The following STAU2 variants were observed in gnomAD, a reference collection of about 807,000 sequenced individuals.
The protein encoded by STAU2 is double-stranded RNA-binding protein Staufen homolog 2.
STAU2 carries 20 observed loss-of-function variants against 65.9 expected under a neutral mutation model. The ratio of observed to expected loss-of-function variants is 0.30; its 90% CI spans 0.21 to 0.44. STAU2 has a LOEUF of 0.44. Ranked by LOEUF, STAU2 falls within the 20% of genes least tolerant of loss-of-function variation. The pLI, the probability that STAU2 is intolerant of heterozygous loss-of-function variation, is 1.00. For synonymous variants in STAU2, 232 were observed against 233.9 expected, an observed-to-expected ratio of 0.99 and a Z score of 0.07; for missense variants, 558 against 683.9, an observed-to-expected ratio of 0.82 and a Z score of 2.05.
At chr8:73,674,100 C>T (rs1796248873) in intron 5 of STAU2, among the ~76,000 whole-genome samples, 1 of 137,776 alleles carries the variant, frequency 7.3e-6, no homozygotes, top group African/African-American at 2.7e-5. Context: ...TATTTGCTTA[C>T]TTTTTTTAAA....
chr8:73,501,691 G>A (rs1261163783), intron 13 of STAU2, among the ~76,000 whole-genome samples: 2 of 151,830 alleles, frequency 1.3e-5, no homozygotes, highest in African/African-American at 4.8e-5. Flanking sequence ...ACCCATTAGA[G>A]AATTCAAAAT....
At chr8:73,687,567 ATT>A (rs59512962) in intron 5 of STAU2, among the ~76,000 whole-genome samples, 36 of 143,804 alleles carry the variant, frequency 2.5e-4, no homozygotes, top group African/African-American at 9.0e-4. Context: ...ATTTTTTGTA[ATT>A]TTTTTTTTGC....
chr8:73,742,641 C>G (rs1186742618), intron 1 of STAU2, among the ~76,000 whole-genome samples: 2 of 151,724 alleles, frequency 1.3e-5, no homozygotes. Flanking sequence ...TCCATGCGTC[C>G]CAAAAATGCC....
At chr8:73,524,097 A>T (rs1024966266) in intron 13 of STAU2, among the ~76,000 whole-genome samples, 1 of 152,172 alleles carries the variant, frequency 6.6e-6, no homozygotes, top group Non-Finnish European at 1.5e-5. Flanking sequence ...AGAAAAAATG[A>T]GGCTAATTTA....
intron 3 of STAU2, chr8:73,732,508 G>C (rs2130755429): frequency 6.6e-6 from 1 of 152,264 alleles, no homozygotes; most frequent in Non-Finnish European, 1.5e-5. Context: ...CATTATACCA[G>C]CATAGGGGAA....
At chr8:73,724,322 C>G (rs1310114969) in intron 3 of STAU2, among the ~76,000 whole-genome samples, 1 of 152,002 alleles carries the variant, frequency 6.6e-6, no homozygotes, top group African/African-American at 2.4e-5. Context: ...GGCAAAAGTC[C>G]CCATCCGTCC....
At chr8:73,711,837 C>G (rs1417051367) in intron 3 of STAU2, among the ~76,000 whole-genome samples, 2 of 152,208 alleles carry the variant, frequency 1.3e-5, no homozygotes, top group Non-Finnish European at 2.9e-5. Context: ...CAAGATCCCA[C>G]TTTGATAAAG....
chr8:73,515,357 T>C (rs760508465), intron 13 of STAU2, among the ~76,000 whole-genome samples: 8 of 152,228 alleles, frequency 5.3e-5, no homozygotes, highest in Admixed American at 4.6e-4. Context: ...ACAGCCTGAA[T>C]GTCGGTTCTG....
intron 13 of STAU2, among the ~76,000 whole-genome samples, chr8:73,445,196 A>C (rs1818401109): frequency 6.6e-6 from 1 of 152,200 alleles, no homozygotes. Flanking sequence ...ATTTTATTTC[A>C]CTTAAAACAG....
intron 12 of STAU2, among the ~76,000 whole-genome samples, chr8:73,569,465 T>C (rs1196171619): frequency 1.3e-5 from 2 of 151,924 alleles, no homozygotes; most frequent in East Asian, 3.9e-4. Context: ...GAGTAGTGGT[T>C]CTCCCAGCAT....
At chr8:73,567,966 G>A (rs1808746994) in intron 12 of STAU2, among the ~76,000 whole-genome samples, 1 of 151,930 alleles carries the variant, frequency 6.6e-6, no homozygotes, top group Non-Finnish European at 1.5e-5. Context: ...ACCAAAAAGG[G>A]TACATTATAA....
intron 13 of STAU2, among the ~76,000 whole-genome samples, chr8:73,436,562 C>T (rs1385086193): frequency 1.1e-5 from 1 of 93,454 alleles, no homozygotes; most frequent in African/African-American, 4.6e-5. Flanking sequence ...CAGTATTTTG[C>T]CAATTTTTTA....
At chr8:73,462,139 G>A (rs574138172) in intron 13 of STAU2, among the ~76,000 whole-genome samples, 1 of 152,192 alleles carries the variant, frequency 6.6e-6, no homozygotes, top group Non-Finnish European at 1.5e-5. Context: ...GACTGCAGTG[G>A]CATGATCTTG....
At chr8:73,442,665 T>C (rs929750539) in intron 13 of STAU2, among the ~76,000 whole-genome samples, 1 of 152,200 alleles carries the variant, frequency 6.6e-6, no homozygotes, top group African/African-American at 2.4e-5. Flanking sequence ...GGTTGACACA[T>C]TCTAATATAG....
At chr8:73,689,861 A>T (rs765545495) in intron 4 of STAU2, among the ~76,000 whole-genome samples, 1 of 152,170 alleles carries the variant, frequency 6.6e-6, no homozygotes, top group African/African-American at 2.4e-5. Context: ...TGAGAAGTAT[A>T]TATCAACAAC....
intron 3 of STAU2, among the ~76,000 whole-genome samples, chr8:73,715,799 A>C (rs901720516): frequency 2.6e-5 from 4 of 152,252 alleles, no homozygotes; most frequent in Non-Finnish European, 5.9e-5. Context: ...GTTAAACTAC[A>C]TGAATCATGC....
At chr8:73,561,491 C>A (rs1177610748) in intron 12 of STAU2, 3 of 450,866 alleles carry the variant, frequency 6.7e-6, no homozygotes, top group South Asian at 4.8e-5. Flanking sequence ...AAAGATCGTT[C>A]TTCTTGGTTA....
rs367561330 is a variant in STAU2, at chr8:73,716,341, C to T, written c.-17-7179G>A. Among the ~76,000 whole-genome samples, 6 of 152,260 alleles carry T rather than the reference C, an allele frequency of 3.9e-5. No homozygotes were observed. The East Asian group carries it at 9.7e-4, about 25-fold the overall frequency. Reference sequence around the variant, plus strand: ...CTGACCCCAGGTGATCCACCCGCCTCGGCCTCCCAAAGTGCTGGGATTACA... The same window carrying T: ...CTGACCCCAGGTGATCCACCCGCCTTGGCCTCCCAAAGTGCTGGGATTACA... On this transcript the variant is annotated intron_variant, in intron 3 of 14. Coordinates refer to ENST00000524300, the MANE Select transcript of STAU2 (RefSeq NM_001164380.2).
At chr8:73,714,312 A>G (rs750609537) in intron 3 of STAU2, among the ~76,000 whole-genome samples, 1 of 152,254 alleles carries the variant, frequency 6.6e-6, no homozygotes, top group Non-Finnish European at 1.5e-5. Context: ...AAGTCAAAAG[A>G]GCAAAGGACC....
Sources: allele counts gnomAD v4.1 joint callset (sites outside exome capture counted in the v4.1 genomes callset), GRCh38; gene constraint gnomAD v4.1.1; transcripts MANE v1.5; gene names NCBI Gene and HGNC (gene_info 2026-07-23, HGNC 2026-07-21).